Variants in ERC2 observed in about 807,000 individuals in gnomAD.
ERC2 encodes the protein ELKS/RAB6-interacting/CAST family member 2, also known as ERC protein 2.
ERC2 carries 42 observed loss-of-function variants against 114.8 expected under a neutral mutation model. The ratio of observed to expected loss-of-function variants is 0.37; its 90% CI spans 0.29 to 0.47. ERC2 has a LOEUF of 0.47. Among genes scored for constraint, ERC2 ranks in the 20% least tolerant of loss-of-function variants. ERC2 has a pLI of 0.99. For missense variants in ERC2, 939 were observed against 1,150.7 expected (o/e 0.82, Z 2.66); for synonymous variants, 454 against 425.5 (o/e 1.07, Z -0.82).
chr3:55,748,255 T>A (rs1240944422), intron 14 of ERC2, among the ~76,000 whole-genome samples: 3 of 152,188 alleles, frequency 2.0e-5, no homozygotes, highest in Non-Finnish European at 4.4e-5. Context: ...ACTGAATATG[T>A]TCCTCTAGGG....
intron 13 of ERC2, among the ~76,000 whole-genome samples, chr3:55,935,678 G>A (rs947325452): frequency 3.3e-5 from 5 of 152,146 alleles, no homozygotes; most frequent in African/African-American, 1.2e-4. Context: ...CAGTCTGCAG[G>A]CCATGTGCCC....
intron 2 of ERC2, among the ~76,000 whole-genome samples, chr3:56,361,088 C>G (rs1207857161): frequency 6.6e-6 from 1 of 152,072 alleles, no homozygotes; most frequent in Non-Finnish European, 1.5e-5. Context: ...TAGAACCGGG[C>G]TGAAGAGAAA....
At chr3:55,761,700 C>T (rs1217802292) in intron 14 of ERC2, among the ~76,000 whole-genome samples, 1 of 151,986 alleles carries the variant, frequency 6.6e-6, no homozygotes, top group East Asian at 1.9e-4. Flanking sequence ...TCATGAGGGA[C>T]ACATGGTAGT....
chr3:56,431,692 T>C (rs1166809329), intron 2 of ERC2, among the ~76,000 whole-genome samples: 1 of 152,252 alleles, frequency 6.6e-6, no homozygotes, highest in African/African-American at 2.4e-5. Flanking sequence ...AATAGCTTGT[T>C]TTTTGTCAAT....
chr3:55,907,013 A>T (rs2149356048), intron 13 of ERC2, among the ~76,000 whole-genome samples: 1 of 152,238 alleles, frequency 6.6e-6, no homozygotes, highest in Non-Finnish European at 1.5e-5. Context: ...TCTTGAGGGT[A>T]AGGTTTCCTG....
At chr3:56,000,422 T>C (rs1212195469) in intron 10 of ERC2, among the ~76,000 whole-genome samples, 1 of 152,008 alleles carries the variant, frequency 6.6e-6, no homozygotes, top group Non-Finnish European at 1.5e-5. Context: ...AAATTCTATA[T>C]AAAACACAGA....
intron 2 of ERC2, among the ~76,000 whole-genome samples, chr3:56,418,403 C>T (rs1003842496): frequency 1.3e-5 from 2 of 151,814 alleles, no homozygotes; most frequent in African/African-American, 2.4e-5. Flanking sequence ...CTCTTGTGTA[C>T]ACAGAGCTAC....
chr3:55,840,856 G>A (rs2061101225), intron 14 of ERC2, among the ~76,000 whole-genome samples: 1 of 152,090 alleles, frequency 6.6e-6, no homozygotes, highest in Non-Finnish European at 1.5e-5. Context: ...TCAAAAAAGA[G>A]TACATTGACG....
intron 14 of ERC2, among the ~76,000 whole-genome samples, chr3:55,779,557 A>T (rs2068875507): frequency 6.6e-6 from 1 of 152,090 alleles, no homozygotes; most frequent in African/African-American, 2.4e-5. Context: ...TTCAAAGCTG[A>T]CGTATCTTGG....
chr3:55,769,045 C>T (rs2068016793), intron 14 of ERC2, among the ~76,000 whole-genome samples: 2 of 152,090 alleles, frequency 1.3e-5, no homozygotes, highest in South Asian at 4.2e-4. Context: ...GAAATTTTAA[C>T]ATCTATGATG....
chr3:55,988,360 C>T (rs1045130516), intron 11 of ERC2, among the ~76,000 whole-genome samples: 2 of 152,160 alleles, frequency 1.3e-5, no homozygotes, highest in East Asian at 1.9e-4. Flanking sequence ...CCCACTGGGC[C>T]GTGCAAGAGT....
chr3:56,413,219 C>G (rs1287295301), intron 2 of ERC2, among the ~76,000 whole-genome samples: 1 of 152,234 alleles, frequency 6.6e-6, no homozygotes, highest in Non-Finnish European at 1.5e-5. Context: ...CTTTCATGCT[C>G]TGGCATGGTG....
chr3:55,695,139 G>A (rs908831030), intron 16 of ERC2, among the ~76,000 whole-genome samples: 1 of 152,186 alleles, frequency 6.6e-6, no homozygotes, highest in African/African-American at 2.4e-5. Flanking sequence ...AGAACATTTA[G>A]GAAAAGCTGA....
chr3:55,970,139 C>T (rs1378222662), intron 12 of ERC2, among the ~76,000 whole-genome samples: 1 of 152,032 alleles, frequency 6.6e-6, no homozygotes, highest in Non-Finnish European at 1.5e-5. Flanking sequence ...AAATGTAGTA[C>T]CTCATTGAAC....
rs149220809 is a variant in ERC2 at position 56,032,858 on chromosome 3, G to GGAAAGAAAGAAAGAAAGAAA, written c.1642-13847_1642-13828dup. ...CTGTTGGAAGAACAAAAGAAAGAAA[G>GGAAAGAAAGAAAGAAAGAAA]GAAAGAAAGAAAGAAAGAAAGAAAG... is the stretch of plus-strand genomic sequence containing the variant. On this transcript the variant is annotated intron_variant, in intron 7 of 17. Coordinates refer to ENST00000288221, the MANE Select transcript of ERC2 (RefSeq NM_015576.3). 9.7e-4 allele frequency among the ~76,000 whole-genome samples: 67 copies of GGAAAGAAAGAAAGAAAGAAA among 68,950 alleles called. 2 individuals carry two copies. The highest frequency in any genetic ancestry group is 6.4e-3 in the Middle Eastern group (1 of 156). The allele number at this position is 68,950 out of a possible 152,430, so 45.2% of individuals were successfully genotyped here.
intron 12 of ERC2, among the ~76,000 whole-genome samples, chr3:55,953,223 T>C (rs1023700041): frequency 7.0e-6 from 1 of 143,824 alleles, no homozygotes; most frequent in African/African-American, 2.5e-5. Context: ...AAAAAAAGAA[T>C]GAGTGGCTGA....
intron 3 of ERC2, among the ~76,000 whole-genome samples, chr3:56,180,088 G>A (rs919622064): frequency 1.3e-5 from 2 of 152,152 alleles, no homozygotes; most frequent in Non-Finnish European, 2.9e-5. Flanking sequence ...GCCTCCTGGA[G>A]ATCAAGTGAA....
chr3:56,245,004 G>C (rs11922083), intron 3 of ERC2, among the ~76,000 whole-genome samples: 36,001 of 151,930 alleles, frequency 0.24, 4,962 homozygotes, highest in Non-Finnish European at 0.3. Context: ...TGCTGTACAG[G>C]TTTGTAGCCT....
intron 13 of ERC2, among the ~76,000 whole-genome samples, chr3:55,939,898 A>C (rs1204408824): frequency 2.0e-5 from 3 of 152,258 alleles, no homozygotes; most frequent in Non-Finnish European, 4.4e-5. Flanking sequence ...GCACCAAAAA[A>C]GTAACAATTG....
Sources: allele counts gnomAD v4.1 joint callset (sites outside exome capture counted in the v4.1 genomes callset), GRCh38; gene constraint gnomAD v4.1.1; transcripts MANE v1.5; gene names NCBI Gene and HGNC (gene_info 2026-07-23, HGNC 2026-07-21).